The following NIN variants were observed in gnomAD, a reference collection of about 807,000 sequenced individuals.
The protein encoded by NIN is glycogen synthase kinase 3 beta-interacting protein.
NIN carries 137 observed loss-of-function variants against 257.6 expected under a neutral mutation model. The observed-to-expected ratio is 0.53, with a 90% CI of 0.46 to 0.61. The LOEUF (loss-of-function observed/expected upper bound fraction) is 0.61, where lower values mean the gene tolerates loss of function less well. Among genes scored for constraint, NIN ranks in the 20% least tolerant of loss-of-function variants. The probability of loss-of-function intolerance (pLI) is 0.00; values close to 1 mark genes in which losing one functional copy is unlikely to be tolerated. For missense variants in NIN, 2,439 were observed against 2,501.2 expected (o/e 0.98, Z 0.53); for synonymous variants, 918 against 919.8 (o/e 1.00, Z 0.04).
chr14:50,776,830 A>T (rs989758203), intron 7 of NIN, 119 bp downstream of exon 7: 22 of 913,996 alleles, frequency 2.4e-5, no homozygotes, highest in Non-Finnish European at 3.3e-5. Flanking sequence ...ATGACTTCTT[A>T]GGAAAAAAGA....
chr14:50,729,683 G>A lies in NIN; in HGVS notation c.5918C>T (p.Pro1973Leu), dbSNP rs772133240. Residue 1973 changes from proline (P) to leucine (L), a missense_variant, in exon 29 of 31, where the codon CCT becomes CTT. By Grantham distance (98) the Pro-to-Leu change is moderately conservative. Transcript: ENST00000530997. ...GAGCAGCTGCAAATCCCAAGCATGAGGGGACGGGCTAGGCGTCGCAGTGGA... is the reference window on the plus strand; with the variant it reads ...GAGCAGCTGCAAATCCCAAGCATGAAGGGACGGGCTAGGCGTCGCAGTGGA... Reference protein sequence around the residue: ...LRSTATPSPSPHAWDLQLLQQ... With the variant: ...LRSTATPSPSLHAWDLQLLQQ... The A allele has an allele frequency of 6.2e-7, 1 of 1,613,220 alleles. No homozygotes were observed. Among genetic ancestry groups the A allele is most frequent in the Non-Finnish European group, 8.5e-7 (1 of 1,179,656 alleles).
intron 3 of NIN, among the ~76,000 whole-genome samples, chr14:50,812,389 C>T (rs2044673624): frequency 6.6e-6 from 1 of 152,162 alleles, no homozygotes; most frequent in Non-Finnish European, 1.5e-5. Context: ...AGGGAAATCC[C>T]TTGCTGCTGG....
At position 50,720,895 on chromosome 14, in the gene NIN, TAAATC is replaced by T. The variant is rs2040258294; in HGVS notation, c.*2563_*2567del. The T allele has an allele frequency of 5.1e-6, 1 of 197,506 alleles. No homozygotes were observed. The highest frequency in any genetic ancestry group is 2.3e-5 in the African/African-American group (1 of 43,392). 12.2% of individuals were successfully genotyped at this position (197,506 alleles called of 1,614,324 possible). A position where few individuals can be genotyped will look rare whatever the true frequency, so the allele number is the denominator to read the frequency against. On this transcript the variant is annotated 3_prime_UTR_variant, in exon 31 of 31. Transcript: ENST00000530997. ...TGAGACGATCTTAAATAATTGTTCT[TAAATC>T]AAAAAGTTTGAAAATCAGTGCTTTT...
chr14:50,733,196 G>A (rs975071233), intron 28 of NIN, among the ~76,000 whole-genome samples: 4 of 151,872 alleles, frequency 2.6e-5, no homozygotes, highest in Admixed American at 2.0e-4. Flanking sequence ...GGGTTCAAGC[G>A]ATTCTCCTGC....
chr14:50,812,766 G>A (rs1485107193), intron 3 of NIN, among the ~76,000 whole-genome samples: 1 of 152,176 alleles, frequency 6.6e-6, no homozygotes, highest in Non-Finnish European at 1.5e-5. Context: ...TTATGATGTA[G>A]TAAATCAGCC....
intron 6 of NIN, 100 bp downstream of exon 6, chr14:50,778,665 A>G: frequency 2.0e-6 from 2 of 1,007,486 alleles, no homozygotes; most frequent in Non-Finnish European, 3.1e-6. Context: ...CTTAATGTTA[A>G]TTCCCCTGGC....
At chr14:50,822,703 T>A (rs1188281192) in intron 2 of NIN, among the ~76,000 whole-genome samples, 1 of 152,262 alleles carries the variant, frequency 6.6e-6, no homozygotes, top group East Asian at 1.9e-4. Flanking sequence ...CAAAACCACC[T>A]CCCTGTTTTA....
chr14:50,720,549 T>C lies in NIN; in HGVS notation c.*2914A>G, dbSNP rs2040251499. 3 of 208,720 alleles carry C rather than the reference T, an allele frequency of 1.4e-5. No homozygotes were observed. Among genetic ancestry groups the C allele is most frequent in the Non-Finnish European group, 2.9e-5 (3 of 102,102 alleles). The allele number at this position is 208,720 out of a possible 1,614,324, so 12.9% of individuals were successfully genotyped here. On this transcript the variant is annotated 3_prime_UTR_variant, in exon 31 of 31. Transcript: ENST00000530997. Reference sequence around the variant, plus strand: ...TATGCCTTGGAAGCCTATGACTTCATGATCTATTCATGAAAAATATGCCGA... The same window carrying C: ...TATGCCTTGGAAGCCTATGACTTCACGATCTATTCATGAAAAATATGCCGA...
chr14:50,751,371 C>T (rs1448027879), intron 21 of NIN, among the ~76,000 whole-genome samples: 1 of 152,122 alleles, frequency 6.6e-6, no homozygotes. Flanking sequence ...AAAGGCGGTA[C>T]CAGTTTGTAT....
chr14:50,809,502 C>T (rs1450038026), intron 3 of NIN, among the ~76,000 whole-genome samples: 1 of 152,152 alleles, frequency 6.6e-6, no homozygotes, highest in African/African-American at 2.4e-5. Context: ...ACAAGTTGAA[C>T]ATGAAGAAGG....
At chr14:50,790,413 C>CA (rs2043541562) in intron 5 of NIN, among the ~76,000 whole-genome samples, 1 of 152,142 alleles carries the variant, frequency 6.6e-6, no homozygotes, top group Non-Finnish European at 1.5e-5. Context: ...ATTCAGCTTA[C>CA]AAAACACTTT....
intron 9 of NIN, chr14:50,772,060 T>A: frequency 2.4e-6 from 1 of 410,248 alleles, no homozygotes; most frequent in South Asian, 4.6e-5. Flanking sequence ...GCCCTGTAAA[T>A]AAACACAATT....
At chr14:50,810,264 C>T (rs1442124627) in intron 3 of NIN, among the ~76,000 whole-genome samples, 1 of 151,074 alleles carries the variant, frequency 6.6e-6, no homozygotes, top group Non-Finnish European at 1.5e-5. Flanking sequence ...TGCCAAAGGA[C>T]CAACTCAGTA....
intron 5 of NIN, among the ~76,000 whole-genome samples, chr14:50,786,666 T>C (rs1404511637): frequency 1.3e-5 from 2 of 151,534 alleles, no homozygotes; most frequent in Non-Finnish European, 2.9e-5. Flanking sequence ...GAAGACATCA[T>C]AGCCTTTGGT....
intron 28 of NIN, among the ~76,000 whole-genome samples, chr14:50,731,831 A>C (rs1284236280): frequency 6.6e-6 from 1 of 152,208 alleles, no homozygotes; most frequent in Non-Finnish European, 1.5e-5. Flanking sequence ...TTTAAAAATA[A>C]ATAAATAAAA....
chr14:50,734,087 T>C (rs1262770549), intron 28 of NIN, among the ~76,000 whole-genome samples: 1 of 87,560 alleles, frequency 1.1e-5, no homozygotes, highest in Non-Finnish European at 2.5e-5. Context: ...TTCTTCTTTA[T>C]TTTTTTTTTT....
chr14:50,751,087 T>A (rs2041768434), intron 21 of NIN, among the ~76,000 whole-genome samples: 1 of 152,226 alleles, frequency 6.6e-6, no homozygotes, highest in Non-Finnish European at 1.5e-5. Flanking sequence ...AAATAAGGAT[T>A]TCTTTTCTTC....
At position 50,744,246 on chromosome 14, in the gene NIN, A is replaced by G; in HGVS notation, c.5184T>C (p.Asp1728=). The G allele has an allele frequency of 6.2e-7, 1 of 1,613,702 alleles. No individual in the cohort carries two copies. Among genetic ancestry groups the G allele is most frequent in the Non-Finnish European group, 8.5e-7 (1 of 1,179,720 alleles). The stretch of plus-strand genomic sequence containing the variant: ...AAAGTCTTATTACTTCTACTACCTT[A>G]TCGACACAGCTATTTAATTCCTCAC... The part of the protein sequence containing the change: ...ALSEELNSCV[D]KLAKSSLLEH... The change falls in exon 23 of 31, where the codon GAT becomes GAC. Residue 1728 remains aspartate (D), a synonymous_variant. Transcript: ENST00000530997.
rs1408564444 is a variant in NIN at position 50,806,832 on chromosome 14, A to G, written c.184-14T>C. ...GTCAAAATGTACCTAAAAAAAATTA[A>G]AAATAGATTTAAAGTAATTTCCACA... On this transcript the variant is annotated splice_polypyrimidine_tract_variant and intron_variant, in intron 3 of 30. Transcript: ENST00000530997. 2 of 1,306,684 alleles carry G rather than the reference A, an allele frequency of 1.5e-6. No individual in the cohort carries two copies. 80.9% of individuals were successfully genotyped at this position (1,306,684 alleles called of 1,614,324 possible). A position where few individuals can be genotyped will look rare whatever the true frequency, so the allele number is the denominator to read the frequency against.
Sources: gnomAD v4.1 joint callset for allele counts (sites outside exome capture counted in the v4.1 genomes callset) on GRCh38, gnomAD v4.1.1 for gene constraint, MANE v1.5 for transcripts, NCBI Gene and HGNC (gene_info 2026-07-23, HGNC 2026-07-21) for gene names.